The following RAD51B variants were observed in gnomAD, a reference collection of about 807,000 sequenced individuals.
The protein encoded by RAD51B is RAD51 paralog B.
In RAD51B, 38 loss-of-function variants were observed where a neutral mutation model predicts 42.2. That is an observed-to-expected ratio of 0.90 (90% CI 0.70 to 1.18). The LOEUF is 1.18. Among genes scored for constraint, RAD51B ranks in the 50% most tolerant of loss-of-function variants. RAD51B has a pLI of 0.00. For synonymous variants in RAD51B, 154 were observed against 145.2 expected (o/e 1.06, Z -0.43); for missense variants, 373 against 400.7 (o/e 0.93, Z 0.59).
At chr14:68,610,128 T>C (rs1279929741) in intron 10 of RAD51B, among the ~76,000 whole-genome samples, 2 of 152,130 alleles carry the variant, frequency 1.3e-5, no homozygotes, top group South Asian at 2.1e-4. Context: ...TCTCACGAAA[T>C]TGAACTGATC....
intron 7 of RAD51B, among the ~76,000 whole-genome samples, chr14:68,129,237 G>A (rs959484194): frequency 2.6e-5 from 4 of 152,110 alleles, no homozygotes; most frequent in Admixed American, 1.3e-4. Context: ...TATACCTTAC[G>A]AGTTTTCTTT....
At chr14:67,926,793 A>G (rs1257393941) in intron 7 of RAD51B, among the ~76,000 whole-genome samples, 2 of 151,794 alleles carry the variant, frequency 1.3e-5, no homozygotes, top group African/African-American at 4.8e-5. Flanking sequence ...CGAACTCCCA[A>G]CTTTGTGATC....
chr14:68,105,739 A>G (rs1390793151), intron 7 of RAD51B, among the ~76,000 whole-genome samples: 1 of 151,998 alleles, frequency 6.6e-6, no homozygotes, highest in African/African-American at 2.4e-5. Flanking sequence ...TTATTATAGT[A>G]AGAAAAGTCT....
In RAD51B at chr14:68,422,211, G is replaced by A. The variant is rs182201195; in HGVS notation, c.957+10684G>A. The A allele has an allele frequency of 1.3e-4, 136 of 1,023,196 alleles. No homozygotes were observed. The African/African-American group carries it at 1.8e-3, about 14-fold the overall frequency. 63.4% of individuals were successfully genotyped at this position (1,023,196 alleles called of 1,614,324 possible). ...GGGTTGACCATGGCTAATAGTACAC[G>A]GTTTTCCTCAGCGGTGGCGTCCGCA... On this transcript the variant is annotated intron_variant, in intron 9 of 10. Transcript: ENST00000471583.
chr14:68,011,458 T>C (rs1421529983), intron 7 of RAD51B, among the ~76,000 whole-genome samples: 1 of 152,078 alleles, frequency 6.6e-6, no homozygotes, highest in Non-Finnish European at 1.5e-5. Context: ...ATTTGGAACC[T>C]TGGTTAGAAA....
At position 68,095,569 on chromosome 14, in the gene RAD51B, G is replaced by GTA. The variant is rs1416068529; in HGVS notation, c.757-196313_757-196312dup. On this transcript the variant is annotated intron_variant, in intron 7 of 10. Coordinates refer to ENST00000471583, the MANE Select transcript of RAD51B (RefSeq NM_133510.4). Reference sequence around the variant, plus strand: ...TTTATTTTTCTGATTAGTTCCCTTGGTATCTGCCCTGCCCCATCCCCATTC... The same window carrying GTA: ...TTTATTTTTCTGATTAGTTCCCTTGGTATATCTGCCCTGCCCCATCCCCATTC... 5.9e-5 allele frequency among the ~76,000 whole-genome samples: 9 copies of GTA among 151,774 alleles called. No homozygotes were observed. The East Asian group carries it at 1.2e-3, about 19-fold the overall frequency.
intron 7 of RAD51B, among the ~76,000 whole-genome samples, chr14:67,994,909 T>A (rs145603037): frequency 6.4e-4 from 98 of 152,322 alleles, no homozygotes; most frequent in African/African-American, 2.2e-3. Flanking sequence ...ATGTGGTGTA[T>A]AAATATAATT....
At chr14:68,388,094 A>ATATATATT (rs1483952338) in intron 8 of RAD51B, among the ~76,000 whole-genome samples, 7 of 118,920 alleles carry the variant, frequency 5.9e-5, no homozygotes, top group African/African-American at 1.4e-4. Context: ...ATATATATAT[A>ATATATATT]TTTTTTTTTT....
chr14:67,953,395 G>A (rs1375913359), intron 7 of RAD51B, among the ~76,000 whole-genome samples: 1 of 152,008 alleles, frequency 6.6e-6, no homozygotes, highest in East Asian at 1.9e-4. Context: ...GAGAATGGTG[G>A]GAGATAAAAT....
intron 7 of RAD51B, among the ~76,000 whole-genome samples, chr14:68,040,960 G>T (rs771114914): frequency 6.6e-6 from 1 of 152,150 alleles, no homozygotes; most frequent in Non-Finnish European, 1.5e-5. Context: ...CATTAGTTTG[G>T]TTGTTCTGTG....
At chr14:68,168,420 G>A (rs764206811) in intron 7 of RAD51B, among the ~76,000 whole-genome samples, 1 of 152,044 alleles carries the variant, frequency 6.6e-6, no homozygotes, top group Non-Finnish European at 1.5e-5. Context: ...TCTATGAGGA[G>A]CATTATTTTT....
chr14:68,443,962 A>G (rs144756486), intron 9 of RAD51B, among the ~76,000 whole-genome samples: 24 of 152,288 alleles, frequency 1.6e-4, no homozygotes, highest in African/African-American at 5.3e-4. Context: ...CCTTTTCTTT[A>G]CTCATAAAGC....
At chr14:67,893,497 CACACACACACACAA>C (rs1372257386) in intron 7 of RAD51B, among the ~76,000 whole-genome samples, 9 of 77,552 alleles carry the variant, frequency 1.2e-4, no homozygotes, top group Admixed American at 2.3e-4. Flanking sequence ...CACACACACA[CACACACACACACAA>C]AAAAAAACAA....
chr14:67,923,113 A>G (rs531270228), intron 7 of RAD51B, among the ~76,000 whole-genome samples: 1 of 152,158 alleles, frequency 6.6e-6, no homozygotes, highest in Admixed American at 6.5e-5. Context: ...AAGTAAGAAC[A>G]TACAACGTTT....
At chr14:67,959,596 G>A (rs531073559) in intron 7 of RAD51B, among the ~76,000 whole-genome samples, 5 of 152,152 alleles carry the variant, frequency 3.3e-5, no homozygotes, top group African/African-American at 9.6e-5. Flanking sequence ...ATGGTAAGCC[G>A]GGTATAAATA....
At chr14:68,454,878 T>A (rs993807657) in intron 9 of RAD51B, among the ~76,000 whole-genome samples, 2 of 152,146 alleles carry the variant, frequency 1.3e-5, no homozygotes, top group African/African-American at 2.4e-5. Flanking sequence ...ACAGTGGGTT[T>A]TATAAAGCTC....
At chr14:68,665,442 T>C (rs1893013614) in intron 11 of RAD51B, among the ~76,000 whole-genome samples, 2 of 152,266 alleles carry the variant, frequency 1.3e-5, no homozygotes. Context: ...AGTTCCCTAT[T>C]AGTCATATGT....
Position 68,411,528 on chromosome 14 carries a change from G to A in RAD51B, c.957+1G>A, listed in dbSNP as rs1229788470. Reference sequence around the variant, plus strand: ...GTACCTTGATTCAGAGAGAAGACAGGTGGGTGCTTTGACAGTATTCTCTGA... The same window carrying A: ...GTACCTTGATTCAGAGAGAAGACAGATGGGTGCTTTGACAGTATTCTCTGA... On this transcript the variant is annotated splice_donor_variant, in intron 9 of 10. Coordinates refer to ENST00000471583, the MANE Select transcript of RAD51B (RefSeq NM_133510.4). LOFTEE classifies it high-confidence loss of function. The A allele has an allele frequency of 1.9e-6, 3 of 1,613,030 alleles. No individual in the cohort carries two copies. Among genetic ancestry groups the A allele is most frequent in the African/African-American group, 2.7e-5 (2 of 74,892 alleles).
chr14:67,948,889 G>A (rs2074385597), intron 7 of RAD51B, among the ~76,000 whole-genome samples: 1 of 128,782 alleles, frequency 7.8e-6, no homozygotes, highest in African/African-American at 3.1e-5. Flanking sequence ...CTGAGATCAC[G>A]CCGCTGCATT....
Sources: allele counts gnomAD v4.1 joint callset (sites outside exome capture counted in the v4.1 genomes callset), GRCh38; gene constraint gnomAD v4.1.1; transcripts MANE v1.5; gene names NCBI Gene and HGNC (gene_info 2026-07-23, HGNC 2026-07-21).